The following YY1 variants were observed in gnomAD, a reference collection of about 807,000 sequenced individuals.
The protein encoded by YY1 is YY1 transcription factor.
YY1 carries 2 observed loss-of-function variants against 35.6 expected under a neutral mutation model. The observed-to-expected ratio is 0.06, with a 90% CI of 0.02 to 0.18. The LOEUF (loss-of-function observed/expected upper bound fraction) is 0.18. Among genes scored for constraint, YY1 ranks in the 10% least tolerant of loss-of-function variants. YY1 has a pLI of 1.00. For synonymous variants in YY1, 268 were observed against 238.9 expected, an observed-to-expected ratio of 1.12 and a Z score of -1.12; for missense variants, 322 against 573.4, an observed-to-expected ratio of 0.56 and a Z score of 4.48.
chr14:100,272,364 A>G (rs1354889302), intron 2 of YY1, among the ~76,000 whole-genome samples: 2 of 152,024 alleles, frequency 1.3e-5, no homozygotes, highest in Admixed American at 6.6e-5. Flanking sequence ...ACAAATATGT[A>G]TAGTATCGGA....
intron 1 of YY1, among the ~76,000 whole-genome samples, chr14:100,244,747 G>T (rs937069392): frequency 4.0e-4 from 61 of 151,106 alleles, no homozygotes; most frequent in Middle Eastern, 3.2e-3. Context: ...AATTTTTTAG[G>T]CATGGGGTCT....
rs1891343490 is a variant in YY1 at position 100,277,669 on chromosome 14, C to T, written c.*69C>T. ...AGAAGTGTGATTGGGAATAAATATGCCTCTCCTTTGTATATTATTTCTAGG... is the reference window on the plus strand; with the variant it reads ...AGAAGTGTGATTGGGAATAAATATGTCTCTCCTTTGTATATTATTTCTAGG... On this transcript the variant is annotated 3_prime_UTR_variant, in exon 5 of 5. Coordinates refer to ENST00000262238, the MANE Select transcript of YY1 (RefSeq NM_003403.5). This position sits in a 1 kb window ranked among gnomAD's most constrained non-coding sequence, Gnocchi z 5.6. The T allele has an allele frequency of 6.7e-7, 1 of 1,483,422 alleles. No homozygotes were observed. The highest frequency in any genetic ancestry group is 9.3e-7 in the Non-Finnish European group (1 of 1,072,086). 91.9% of individuals were successfully genotyped at this position (1,483,422 alleles called of 1,614,324 possible). A position where few individuals can be genotyped will look rare whatever the true frequency, so the allele number is the denominator to read the frequency against.
intron 1 of YY1, among the ~76,000 whole-genome samples, chr14:100,259,053 A>G (rs958001263): frequency 2.6e-5 from 4 of 152,222 alleles, no homozygotes; most frequent in Admixed American, 6.5e-5. Flanking sequence ...AAGGTAATTC[A>G]AGGTAAAAGT....
At position 100,239,666 on chromosome 14, in the gene YY1, G is replaced by GCGA. The variant is rs747375702; in HGVS notation, c.430_432dup (p.Asp144dup). The GCGA allele has an allele frequency of 6.2e-7, 1 of 1,609,028 alleles. No individual in the cohort carries two copies. Among genetic ancestry groups the GCGA allele is most frequent in the Admixed American group, 1.7e-5 (1 of 59,974 alleles). ...ATCCCGGTGCCCGCGCCGGCCGGCG[G>GCGA]CGACGACGACTACATTGAACAAACG... On this transcript the variant is annotated inframe_insertion, in exon 1 of 5. Coordinates refer to ENST00000262238, the MANE Select transcript of YY1 (RefSeq NM_003403.5).
intron 1 of YY1, among the ~76,000 whole-genome samples, chr14:100,256,406 ATCCCTGTTCC>A (rs1412672859): frequency 6.6e-6 from 1 of 152,174 alleles, no homozygotes; most frequent in Non-Finnish European, 1.5e-5. Flanking sequence ...CATACTTGGC[ATCCCTGTTCC>A]TCCCCAACCC....
chr14:100,247,594 G>A (rs1162890115), intron 1 of YY1, among the ~76,000 whole-genome samples: 2 of 152,164 alleles, frequency 1.3e-5, no homozygotes, highest in East Asian at 3.9e-4. Flanking sequence ...GGATGCAGAA[G>A]ATAACATTCA....
At chr14:100,244,923 A>T (rs983203102) in intron 1 of YY1, among the ~76,000 whole-genome samples, 1 of 148,922 alleles carries the variant, frequency 6.7e-6, no homozygotes, top group Non-Finnish European at 1.5e-5. Flanking sequence ...ATTTATTTTT[A>T]TTTATTTATT....
rs60088505 is a variant in YY1, at chr14:100,249,100, ATTTTTTTTTTTTTTTT to A, written c.679+9197_679+9212del. Reference sequence around the variant, plus strand: ...TTTGTGATGGACTCTTTCTCGTGTAATTTTTTTTTTTTTTTTTTTTTTTTTTTTTTTTTTTGGGAGA... The same window carrying A: ...TTTGTGATGGACTCTTTCTCGTGTAATTTTTTTTTTTTTTTTTTTGGGAGA... On this transcript the variant is annotated intron_variant, in intron 1 of 4. Coordinates refer to ENST00000262238, the MANE Select transcript of YY1 (RefSeq NM_003403.5). Among the ~76,000 whole-genome samples the A allele has an allele frequency of 4.5e-4, 21 of 46,834 alleles. 1 individual carries two copies. The highest frequency in any genetic ancestry group is 2.9e-3 in the Admixed American group (7 of 2,426). 30.7% of individuals were successfully genotyped at this position (46,834 alleles called of 152,430 possible).
chr14:100,263,797 C>T (rs1197717306), intron 2 of YY1: 2 of 152,066 alleles, frequency 1.3e-5, no homozygotes, highest in African/African-American at 2.4e-5. Flanking sequence ...TTGGCCCTGC[C>T]GAAAACAAGG....
intron 2 of YY1, among the ~76,000 whole-genome samples, chr14:100,268,162 T>C (rs1039426711): frequency 1.3e-5 from 2 of 152,256 alleles, no homozygotes; most frequent in Non-Finnish European, 2.9e-5. Context: ...TAAGGTAGAA[T>C]GTAAGCTGCT....
chr14:100,254,940 A>ATTT (rs35165026), intron 1 of YY1, among the ~76,000 whole-genome samples: 4,993 of 29,390 alleles, frequency 0.17, 812 homozygotes, highest in South Asian at 0.24. Context: ...CGCCCAGCTA[A>ATTT]TTTTTTTTTT....
intron 2 of YY1, among the ~76,000 whole-genome samples, chr14:100,263,163 G>A (rs1053536963): frequency 6.6e-6 from 1 of 152,144 alleles, no homozygotes; most frequent in Non-Finnish European, 1.5e-5. Context: ...CGCCTGCCTT[G>A]GCCTCCCAAA....
chr14:100,252,319 C>T (rs3783339), intron 1 of YY1, among the ~76,000 whole-genome samples: 100,351 of 152,086 alleles, frequency 0.66, 33,646 homozygotes, highest in South Asian at 0.81. Flanking sequence ...AGAAGAACAC[C>T]GAGCAGCTGG....
intron 1 of YY1, among the ~76,000 whole-genome samples, chr14:100,240,163 T>G (rs1890708157): frequency 6.9e-6 from 1 of 144,748 alleles, no homozygotes; most frequent in Non-Finnish European, 1.5e-5. Flanking sequence ...ATGGCGTAGT[T>G]TCTCCGAGAG....
chr14:100,242,957 G>GTAGA (rs1486429256), intron 1 of YY1, among the ~76,000 whole-genome samples: 1 of 152,180 alleles, frequency 6.6e-6, no homozygotes, highest in African/African-American at 2.4e-5. Context: ...AGCTAGTGTG[G>GTAGA]TAGAGTACGC....
At position 100,272,968 on chromosome 14, in the gene YY1, T is replaced by TG. The variant is rs1294622682; in HGVS notation, c.843-1730_843-1729insG. Among the ~76,000 whole-genome samples the TG allele has an allele frequency of 1.2e-3, 184 of 150,616 alleles. 3 individuals carry two copies. The highest frequency in any genetic ancestry group is 2.2e-3 in the Admixed American group (33 of 15,148). ...AGTTTTTTGTTGTTTTTTTTTTGTT[T>TG]TTTTTTTTTTGAGACGGTATTTCCT... On this transcript the variant is annotated intron_variant, in intron 2 of 4. Transcript: ENST00000262238.
At chr14:100,247,579 G>A (rs1029430620) in intron 1 of YY1, among the ~76,000 whole-genome samples, 1 of 152,000 alleles carries the variant, frequency 6.6e-6, no homozygotes, top group Admixed American at 6.6e-5. Flanking sequence ...TCAGAATCAT[G>A]ACTTGGATGC....
chr14:100,241,992 A>AGGGGTT (rs1566767455), intron 1 of YY1, among the ~76,000 whole-genome samples: 1 of 95,988 alleles, frequency 1.0e-5, no homozygotes. Flanking sequence ...GGGGGGGGGC[A>AGGGGTT]TTTTTTTTTG....
chr14:100,261,593 A>G (rs1206631348), intron 1 of YY1, among the ~76,000 whole-genome samples: 1 of 152,232 alleles, frequency 6.6e-6, no homozygotes, highest in African/African-American at 2.4e-5. Flanking sequence ...TGCAGCTTAC[A>G]GTCTAGTGGG....
Sources: allele counts gnomAD v4.1 joint callset (sites outside exome capture counted in the v4.1 genomes callset), GRCh38; gene constraint gnomAD v4.1.1; non-coding constraint Gnocchi (gnomAD v3.1); transcripts MANE v1.5; gene names NCBI Gene and HGNC (gene_info 2026-07-23, HGNC 2026-07-21).